Variants in USP34 observed in about 807,000 individuals in gnomAD.
The protein encoded by USP34 is ubiquitin carboxyl-terminal hydrolase 34.
A neutral mutation model predicts 460.3 loss-of-function variants in USP34; 70 were observed. That is an observed-to-expected ratio of 0.15 (90% CI 0.13 to 0.19). The LOEUF (loss-of-function observed/expected upper bound fraction) is 0.19. Ranked by LOEUF, USP34 falls within the 10% of genes least tolerant of loss-of-function variation. USP34 has a pLI of 1.00. For synonymous variants in USP34, 1,647 were observed against 1,405.3 expected (o/e 1.17, Z -3.85); for missense variants, 3,985 against 4,236.2 (o/e 0.94, Z 1.65).
At chr2:61,444,991 G>C (rs1236056175) in intron 1 of USP34, among the ~76,000 whole-genome samples, 2 of 151,718 alleles carry the variant, frequency 1.3e-5, no homozygotes, top group East Asian at 1.9e-4. Flanking sequence ...AAACCGATAG[G>C]TGATTTCTCT....
At chr2:61,215,057 G>T (rs1394698328) in intron 67 of USP34, among the ~76,000 whole-genome samples, 3 of 152,076 alleles carry the variant, frequency 2.0e-5, no homozygotes, top group Admixed American at 6.5e-5. Flanking sequence ...CTACCAAAAG[G>T]TACCTGAGGA....
chr2:61,261,978 C>G (rs545374259), intron 43 of USP34, among the ~76,000 whole-genome samples: 1 of 150,182 alleles, frequency 6.7e-6, no homozygotes, highest in Non-Finnish European at 1.5e-5. Context: ...GTAATCCCAG[C>G]TATTCGGGAG....
At chr2:61,432,317 A>C (rs1226096544) in intron 1 of USP34, among the ~76,000 whole-genome samples, 1 of 152,174 alleles carries the variant, frequency 6.6e-6, no homozygotes, top group African/African-American at 2.4e-5. Context: ...CTACAAAAAA[A>C]AGACAAAAAT....
rs1296942117 is a variant in USP34, at chr2:61,246,489, TAC to T, written c.6395-14_6395-13del. The T allele has an allele frequency of 6.7e-7, 1 of 1,498,424 alleles. No individual in the cohort carries two copies. Among genetic ancestry groups the T allele is most frequent in the Admixed American group, 2.1e-5 (1 of 47,128 alleles). The allele number at this position is 1,498,424 out of a possible 1,614,324, so 92.8% of individuals were successfully genotyped here. On this transcript the variant is annotated splice_polypyrimidine_tract_variant and intron_variant, in intron 49 of 79. Coordinates refer to ENST00000398571, the MANE Select transcript of USP34 (RefSeq NM_014709.4). ...GACTTCTTTAAAACCTGAAATGATT[TAC>T]ACAGAATGGAAATAATTTTCCAAAC... is the stretch of plus-strand genomic sequence containing the variant.
At chr2:61,313,619 T>G (rs1690660327) in intron 25 of USP34, among the ~76,000 whole-genome samples, 1 of 152,166 alleles carries the variant, frequency 6.6e-6, no homozygotes, top group Non-Finnish European at 1.5e-5. Context: ...AAATTTTATT[T>G]TTTTAAGTGG....
At chr2:61,345,388 A>G (rs566594845) in intron 15 of USP34, among the ~76,000 whole-genome samples, 4 of 152,346 alleles carry the variant, frequency 2.6e-5, no homozygotes, top group Admixed American at 1.3e-4. Flanking sequence ...TAAAGAAGTA[A>G]TATGTATAGA....
intron 48 of USP34, among the ~76,000 whole-genome samples, chr2:61,255,010 T>C (rs539693439): frequency 2.6e-4 from 39 of 152,214 alleles, no homozygotes; most frequent in Non-Finnish European, 5.6e-4. Context: ...GTCTGGCTAA[T>C]TTCTAAAACT....
intron 70 of USP34, chr2:61,208,004 C>A (rs1444190249): frequency 6.6e-6 from 1 of 152,278 alleles, no homozygotes; most frequent in African/African-American, 2.4e-5. Flanking sequence ...GGTGACTCTG[C>A]AGCCATCTCA....
intron 1 of USP34, among the ~76,000 whole-genome samples, chr2:61,442,406 C>CAA (rs70963430): frequency 0.13 from 16,189 of 121,062 alleles, 1,063 homozygotes; most frequent in African/African-American, 0.16. Context: ...ATCTTAACAG[C>CAA]AAAAAAAAAA....
rs116612918 is a variant in USP34, at chr2:61,275,718, T to C, written c.5433+2447A>G. Among the ~76,000 whole-genome samples, 1,162 of 152,290 alleles carry C rather than the reference T, an allele frequency of 7.6e-3. 12 individuals are homozygous for C. The highest frequency in any genetic ancestry group is 0.012 in the Non-Finnish European group (791 of 68,026). On this transcript the variant is annotated intron_variant, in intron 41 of 79. Coordinates refer to ENST00000398571, the MANE Select transcript of USP34 (RefSeq NM_014709.4). ...GAACACTGTGTTTAATGTGTTATCA[T>C]GTGTAGACAGTATTGTATAATGGTT... is the stretch of plus-strand genomic sequence containing the variant.
At chr2:61,206,167 A>G in intron 71 of USP34, 43 bp from the exon 72 acceptor site, 1 of 1,517,742 alleles carries the variant, frequency 6.6e-7, no homozygotes, top group Non-Finnish European at 9.1e-7. Flanking sequence ...TCTGAGATCA[A>G]ACTTCCTCAC....
intron 10 of USP34, among the ~76,000 whole-genome samples, chr2:61,364,433 T>C (rs1435336059): frequency 6.6e-6 from 1 of 152,176 alleles, no homozygotes. Context: ...GTTATTATTT[T>C]ATAGGTACAA....
chr2:61,257,132 A>T (rs777186894), intron 45 of USP34, 24 bp from the exon 46 acceptor site: 9 of 1,573,012 alleles, frequency 5.7e-6, no homozygotes, highest in Non-Finnish European at 7.7e-6. Context: ...CAAACAAAAA[A>T]TAAGAAACTA....
chr2:61,319,281 T>C lies in USP34; in HGVS notation c.3060A>G (p.Glu1020=). ...GTGCATCATCATAACATTCAGAATC[T>C]TCTACTAAACAATGCCATAAGATGT... ...QVDILWHCLV[E]DSECYDDALH... The change falls in exon 22 of 80, where the codon GAA becomes GAG. Residue 1020 remains glutamate (E), a synonymous_variant. Transcript: ENST00000398571. The C allele has an allele frequency of 6.3e-7, 1 of 1,589,636 alleles. No individual in the cohort carries two copies. Among genetic ancestry groups the C allele is most frequent in the Non-Finnish European group, 8.5e-7 (1 of 1,172,984 alleles).
chr2:61,398,973 G>C (rs1039617197), intron 3 of USP34, among the ~76,000 whole-genome samples: 14 of 152,056 alleles, frequency 9.2e-5, no homozygotes, highest in Admixed American at 3.3e-4. Context: ...ACCTCCTGTG[G>C]TATTGTTAAA....
Position 61,335,475 on chromosome 2 carries a change from G to A in USP34, c.2745-1504C>T, listed in dbSNP as rs1012526886. On this transcript the variant is annotated intron_variant, in intron 18 of 79. Transcript: ENST00000398571. The stretch of plus-strand genomic sequence containing the variant: ...CAACCACAAAGGCTCAATGGCCAAC[G>A]CATAATGGTTCATGCCTGTAATCCC... Among the ~76,000 whole-genome samples the A allele has an allele frequency of 3.9e-5, 6 of 152,308 alleles. No individual in the cohort carries two copies. The South Asian group carries it at 6.2e-4, about 16-fold the overall frequency.
intron 32 of USP34, 36 bp downstream of exon 32, chr2:61,294,913 T>G: frequency 6.5e-7 from 1 of 1,546,348 alleles, no homozygotes; most frequent in Non-Finnish European, 8.8e-7. Context: ...GATAAATTAT[T>G]TTTATCAATA....
chr2:61,323,223 A>G (rs1690980215), intron 21 of USP34, among the ~76,000 whole-genome samples: 1 of 152,140 alleles, frequency 6.6e-6, no homozygotes, highest in South Asian at 2.1e-4. Context: ...AAATAATTTA[A>G]AAATTAGGCT....
intron 1 of USP34, among the ~76,000 whole-genome samples, chr2:61,452,423 C>A (rs1450364789): frequency 7.0e-6 from 1 of 143,806 alleles, no homozygotes; most frequent in African/African-American, 2.6e-5. Context: ...CTCCGGGGTT[C>A]AAGAGATTCT....
Sources: gnomAD v4.1 joint callset for allele counts (sites outside exome capture counted in the v4.1 genomes callset) on GRCh38, gnomAD v4.1.1 for gene constraint, MANE v1.5 for transcripts, NCBI Gene and HGNC (gene_info 2026-07-23, HGNC 2026-07-21) for gene names.